The following CNKSR2 variants were observed in gnomAD, a reference collection of about 807,000 sequenced individuals.
CNKSR2 encodes connector enhancer of kinase suppressor of Ras 2, also known as CNK homolog protein 2.
Under a neutral mutation model 84.4 loss-of-function variants are expected in CNKSR2, and 14 were observed. The observed-to-expected ratio is 0.17, with a 90% CI of 0.11 to 0.26. The LOEUF (loss-of-function observed/expected upper bound fraction) is 0.26, where lower values mean the gene tolerates loss of function less well. Ranked by LOEUF, CNKSR2 falls within the 10% of genes least tolerant of loss-of-function variation. The pLI, the probability that CNKSR2 is intolerant of heterozygous loss-of-function variation, is 1.00. For missense variants in CNKSR2, 485 were observed against 771.2 expected, an observed-to-expected ratio of 0.63 and a Z score of 4.40; for synonymous variants, 275 against 277.9, an observed-to-expected ratio of 0.99 and a Z score of 0.10.
intron 20 of CNKSR2, among the ~76,000 whole-genome samples, chrX:21,616,259 A>C (rs1055468209): frequency 3.6e-5 from 4 of 111,248 alleles, no homozygotes; most frequent in African/African-American, 1.3e-4. Flanking sequence ...CTACTACCAG[A>C]ATTTAAGCTT....
chrX:21,414,733 G>A (rs2090393790), intron 1 of CNKSR2, among the ~76,000 whole-genome samples: 1 of 111,682 alleles, frequency 9.0e-6, no homozygotes, highest in Non-Finnish European at 1.9e-5. Context: ...TTTGTATATA[G>A]CAGGAGATAC....
chrX:21,516,673 C>T, intron 9 of CNKSR2, 42 bp downstream of exon 9: 1 of 1,114,585 alleles, frequency 9.0e-7, no homozygotes, highest in Non-Finnish European at 1.2e-6. Flanking sequence ...TCATTTTAGC[C>T]ATAGATTATC....
chrX:21,453,137 GA>G (rs749619682), intron 4 of CNKSR2, among the ~76,000 whole-genome samples: 19 of 111,253 alleles, frequency 1.7e-4, no homozygotes, highest in Admixed American at 1.6e-3. Context: ...GTAAGAAGCA[GA>G]CATGGACCAA....
In CNKSR2 at chrX:21,426,483, C is replaced by A. The variant is rs1439956562; in HGVS notation, c.65-14C>A. 1 of 1,202,547 alleles carries A rather than the reference C, an allele frequency of 8.3e-7. No individual in the cohort carries two copies. The highest frequency in any genetic ancestry group is 2.2e-5 in the Admixed American group (1 of 45,374). Reference sequence around the variant, plus strand: ...CATGTTTTCATTCTGGTCTTTCATACTTTTATTTTGTAGGTCTTGATGACT... The same window carrying A: ...CATGTTTTCATTCTGGTCTTTCATAATTTTATTTTGTAGGTCTTGATGACT... On this transcript the variant is annotated splice_polypyrimidine_tract_variant and intron_variant, in intron 1 of 21. Coordinates refer to ENST00000379510, the MANE Select transcript of CNKSR2 (RefSeq NM_014927.5).
chrX:21,476,616 T>C (rs746765114), intron 5 of CNKSR2, among the ~76,000 whole-genome samples: 5 of 110,814 alleles, frequency 4.5e-5, no homozygotes, highest in Admixed American at 1.9e-4. Flanking sequence ...GGGAGATTGG[T>C]TGCAGTGTTG....
intron 15 of CNKSR2, chrX:21,591,783 C>T (rs1393049246): frequency 9.0e-6 from 1 of 110,567 alleles, no homozygotes; most frequent in Non-Finnish European, 1.9e-5. Context: ...AGATTTATAT[C>T]CAGAGGAGTC....
At chrX:21,536,126 T>C (rs1391658300) in intron 11 of CNKSR2, among the ~76,000 whole-genome samples, 5 of 111,784 alleles carry the variant, frequency 4.5e-5, no homozygotes. Flanking sequence ...AATGTTTATA[T>C]GGTTTTTGTC....
At chrX:21,491,177 T>G (rs189455607) in intron 6 of CNKSR2, 2 of 111,493 alleles carry the variant, frequency 1.8e-5, no homozygotes, top group African/African-American at 3.2e-5. Context: ...AAAAGTGTAT[T>G]GGTTCTAGAT....
At chrX:21,514,441 A>G (rs994932836) in intron 8 of CNKSR2, among the ~76,000 whole-genome samples, 1 of 111,973 alleles carries the variant, frequency 8.9e-6, no homozygotes, top group African/African-American at 3.2e-5. Context: ...ATCCACCCAA[A>G]TGAACTTTCT....
At chrX:21,532,852 G>A (rs1012187885) in intron 11 of CNKSR2, among the ~76,000 whole-genome samples, 4 of 111,301 alleles carry the variant, frequency 3.6e-5, no homozygotes, top group African/African-American at 1.3e-4. Context: ...TTTGAGGAAG[G>A]ACAGCATCCC....
rs753703685 is a variant in CNKSR2 at position 21,527,015 on chromosome X, C to T, written c.1091+15C>T. 1 of 1,199,106 alleles carries T rather than the reference C, an allele frequency of 8.3e-7. No homozygotes were observed. The highest frequency in any genetic ancestry group is 1.1e-6 in the Non-Finnish European group (1 of 886,519). ...TATATTCCCAGGTATAAAACTATCA[C>T]GTTGTCCTAGGCAGCTTCTAGCTAA... On this transcript the variant is annotated intron_variant, in intron 10 of 21. Transcript: ENST00000379510.
chrX:21,622,163 A>G (rs1376107797), intron 20 of CNKSR2, among the ~76,000 whole-genome samples: 1 of 111,259 alleles, frequency 9.0e-6, no homozygotes, highest in Non-Finnish European at 1.9e-5. Context: ...AAAAGCCTAA[A>G]TTGTCATTGA....
chrX:21,526,867 C>G lies in CNKSR2; in HGVS notation c.958C>G (p.Pro320Ala), dbSNP rs1216383560. ...NMRWKPLALQ[P>A]LIPRSPTSSV... The stretch of plus-strand genomic sequence containing the variant: ...GTATTTTCTTTTTCATTTTAACCAG[C>G]CTCTTATACCTAGAAGTCCCACAAG... Residue 320 changes from proline (P) to alanine (A), a missense_variant and splice_region_variant, in exon 10 of 22, where the codon CCT becomes GCT. This residue lies in a region of CNKSR2 where 132 missense variants were observed against 166.7 expected (regional missense o/e 0.79). Coordinates refer to ENST00000379510, the MANE Select transcript of CNKSR2 (RefSeq NM_014927.5). The G allele has an allele frequency of 2.5e-6, 3 of 1,197,777 alleles. No homozygotes were observed. The highest frequency in any genetic ancestry group is 1.8e-5 in the African/African-American group (1 of 56,985).
At chrX:21,380,395 T>G (rs781527152) in intron 1 of CNKSR2, among the ~76,000 whole-genome samples, 20 of 110,123 alleles carry the variant, frequency 1.8e-4, no homozygotes, top group Non-Finnish European at 3.6e-4. Flanking sequence ...TGATAAATTA[T>G]CATTTTTATT....
intron 6 of CNKSR2, chrX:21,492,224 A>G (rs755549960): frequency 1.5e-4 from 17 of 111,575 alleles, no homozygotes; most frequent in Admixed American, 1.9e-4. Context: ...GCTTTATGAA[A>G]TCTTGATTTT....
At chrX:21,537,571 C>T (rs2091939876) in intron 11 of CNKSR2, among the ~76,000 whole-genome samples, 1 of 111,394 alleles carries the variant, frequency 9.0e-6, no homozygotes, top group African/African-American at 3.3e-5. Context: ...ATATTTACAA[C>T]TATTATATTC....
intron 4 of CNKSR2, among the ~76,000 whole-genome samples, chrX:21,441,862 G>A (rs758962793): frequency 8.9e-6 from 1 of 111,861 alleles, no homozygotes; most frequent in Admixed American, 9.5e-5. Context: ...ATTATGCTTT[G>A]AAATATGCTG....
At chrX:21,544,069 A>G (rs1569232384) in intron 11 of CNKSR2, among the ~76,000 whole-genome samples, 1 of 112,187 alleles carries the variant, frequency 8.9e-6, no homozygotes, top group Non-Finnish European at 1.9e-5. Context: ...GCTCATAAAT[A>G]AAAATGTCCC....
chrX:21,552,206 A>G (rs1178198704), intron 11 of CNKSR2, among the ~76,000 whole-genome samples: 1 of 111,600 alleles, frequency 9.0e-6, no homozygotes, highest in East Asian at 2.8e-4. Flanking sequence ...GCGATTTCCT[A>G]AGTACGTTCT....
Sources: allele counts gnomAD v4.1 joint callset (sites outside exome capture counted in the v4.1 genomes callset), GRCh38; gene constraint gnomAD v4.1.1; regional missense constraint gnomAD v4.1.1; transcripts MANE v1.5; gene names NCBI Gene and HGNC (gene_info 2026-07-23, HGNC 2026-07-21).